The following CCDC92B variants were observed in gnomAD, a reference collection of about 807,000 sequenced individuals.
The protein encoded by CCDC92B is coiled-coil domain-containing 92B.
CCDC92B carries 2 observed loss-of-function variants against 5.6 expected under a neutral mutation model. The observed-to-expected ratio is 0.36, with a 90% CI of 0.15 to 1.12. The LOEUF is 1.12. Among genes scored for constraint, CCDC92B ranks in the 50% most tolerant of loss-of-function variants. The pLI is 0.40. For missense variants in CCDC92B, 271 were observed against 262.2 expected (o/e 1.03, Z -0.23); for synonymous variants, 115 against 122.3 (o/e 0.94, Z 0.39).
chr17:2,743,960 C>G (rs372476999), intron 1 of CCDC92B, among the ~76,000 whole-genome samples: 4 of 152,130 alleles, frequency 2.6e-5, no homozygotes, highest in African/African-American at 7.2e-5. Context: ...TCACCGCAAC[C>G]TCCACCTCCC....
At chr17:2,748,875 C>T (rs1384003723) in intron 1 of CCDC92B, among the ~76,000 whole-genome samples, 1 of 152,176 alleles carries the variant, frequency 6.6e-6, no homozygotes. Context: ...GTGGTCCTCT[C>T]CACTCCGGAG....
chr17:2,743,201 G>A (rs538639173), intron 1 of CCDC92B, among the ~76,000 whole-genome samples: 117 of 152,266 alleles, frequency 7.7e-4, no homozygotes, highest in African/African-American at 2.6e-3. Flanking sequence ...AGGCCGAGGC[G>A]GGAGGATCAC....
At chr17:2,731,095 G>C (rs868770319) in intron 2 of CCDC92B, among the ~76,000 whole-genome samples, 1 of 152,144 alleles carries the variant, frequency 6.6e-6, no homozygotes, top group Non-Finnish European at 1.5e-5. Flanking sequence ...TATTCCCCAC[G>C]GCAGGGAGAA....
chr17:2,726,270 C>T (rs1386593933), intron 3 of CCDC92B, among the ~76,000 whole-genome samples: 4 of 151,434 alleles, frequency 2.6e-5, no homozygotes, highest in South Asian at 4.2e-4. Flanking sequence ...CTCCACCTCC[C>T]GGGTTCAAGC....
In CCDC92B at chr17:2,724,712, G is replaced by A. The variant is rs565368487; in HGVS notation, c.467C>T (p.Pro156Leu). 8.6e-5 allele frequency: 85 copies of A among 983,502 alleles called. 2 individuals are homozygous for A. The South Asian group carries it at 3.2e-3, about 37-fold the overall frequency. The allele number at this position is 983,502 out of a possible 1,614,324, so 60.9% of individuals were successfully genotyped here. A position where few individuals can be genotyped will look rare whatever the true frequency, so the allele number is the denominator to read the frequency against. Residue 156 changes from proline to leucine, a missense_variant, in exon 4 of 4, where the codon CCG becomes CTG. Transcript: ENST00000614400. This position sits in a 1 kb window ranked among gnomAD's most constrained non-coding sequence, Gnocchi z 5.0. The stretch of plus-strand genomic sequence containing the variant: ...GGGCTCGGCGGTGGCGCCGGGGCCC[G>A]GGCGCGGGGCCTGCAGTCTCTGGCG... ...AARQRLQAPR[P>L]GPGATAEPRP... is the part of the protein sequence containing the mutation.
intron 1 of CCDC92B, among the ~76,000 whole-genome samples, chr17:2,743,992 C>T (rs960071094): frequency 3.3e-5 from 5 of 152,042 alleles, no homozygotes; most frequent in South Asian, 4.1e-4. Flanking sequence ...AATCTCCTGC[C>T]GCAGCCTCCC....
At chr17:2,739,525 A>G (rs2070901951) in intron 1 of CCDC92B, among the ~76,000 whole-genome samples, 1 of 142,120 alleles carries the variant, frequency 7.0e-6, no homozygotes, top group African/African-American at 2.7e-5. Context: ...CTAAAAATAC[A>G]AAAAAAATTA....
chr17:2,735,109 C>A lies in CCDC92B; in HGVS notation c.37G>T (p.Val13Leu), dbSNP rs879138102. The A allele has an allele frequency of 1.0e-6, 1 of 985,552 alleles. No individual in the cohort carries two copies. Among genetic ancestry groups the A allele is most frequent in the Non-Finnish European group, 1.2e-6 (1 of 829,996 alleles). 61.1% of individuals were successfully genotyped at this position (985,552 alleles called of 1,614,324 possible). The change falls in exon 2 of 4, where the codon GTG becomes TTG. Residue 13 changes from valine to leucine, a missense_variant. Coordinates refer to ENST00000614400, the MANE Select transcript of CCDC92B (RefSeq NM_001355573.2). The part of the protein sequence containing the change: ...TVSLEHQIQS[V>L]QRHISFLKKE... Reference sequence around the variant, plus strand: ...TTCAGGAAGCTGATGTGGCGTTGCACGCTCTGGATCTGATGCTCCAGGGAC... The same window carrying A: ...TTCAGGAAGCTGATGTGGCGTTGCAAGCTCTGGATCTGATGCTCCAGGGAC...
In CCDC92B at chr17:2,724,613, C is replaced by T; in HGVS notation, c.566G>A (p.Arg189Gln). 4 of 981,790 alleles carry T rather than the reference C, an allele frequency of 4.1e-6. No homozygotes were observed. Among genetic ancestry groups the T allele is most frequent in the Non-Finnish European group, 4.8e-6 (4 of 828,296 alleles). 60.8% of individuals were successfully genotyped at this position (981,790 alleles called of 1,614,324 possible). A position where few individuals can be genotyped will look rare whatever the true frequency, so the allele number is the denominator to read the frequency against. The stretch of plus-strand genomic sequence containing the variant: ...CCCGCGGTCCCAGGCGGCCCAGTCC[C>T]GGCCGGGGCCCTTGGCGGCGGCCTC... ...AHEAAAKGPG[R>Q]DWAAWDRGAG... The change falls in exon 4 of 4, where the codon CGG (arginine) becomes CAG (glutamine). Residue 189 changes from arginine to glutamine, a missense_variant. Transcript: ENST00000614400. The surrounding 1 kb of genome is among the most constrained non-coding windows in gnomAD (Gnocchi z 5.0).
At chr17:2,731,553 C>T (rs1295349970) in intron 2 of CCDC92B, among the ~76,000 whole-genome samples, 1 of 152,170 alleles carries the variant, frequency 6.6e-6, no homozygotes, top group South Asian at 2.1e-4. Flanking sequence ...CCTTCAGGGG[C>T]CTTGTGACCC....
At chr17:2,728,275 G>A (rs2070755622) in intron 3 of CCDC92B, among the ~76,000 whole-genome samples, 1 of 149,188 alleles carries the variant, frequency 6.7e-6, no homozygotes, top group South Asian at 2.1e-4. Context: ...CAGAGATGGT[G>A]CCATGGCACT....
intron 1 of CCDC92B, among the ~76,000 whole-genome samples, chr17:2,739,175 G>A (rs567947215): frequency 6.6e-6 from 1 of 151,276 alleles, no homozygotes; most frequent in East Asian, 2.0e-4. Flanking sequence ...AGACCATCCT[G>A]GCTAACATGG....
At chr17:2,732,030 G>A (rs1355046418) in intron 2 of CCDC92B, among the ~76,000 whole-genome samples, 1 of 152,234 alleles carries the variant, frequency 6.6e-6, no homozygotes, top group East Asian at 1.9e-4. Flanking sequence ...TCTGGAAAAT[G>A]GGGGCACAAT....
At chr17:2,726,609 A>G (rs1431616161) in intron 3 of CCDC92B, among the ~76,000 whole-genome samples, 1 of 149,274 alleles carries the variant, frequency 6.7e-6, no homozygotes, top group East Asian at 2.0e-4. Context: ...GAGCCACTGC[A>G]CCTGGCCTCT....
At chr17:2,744,370 TG>T (rs1332610085) in intron 1 of CCDC92B, among the ~76,000 whole-genome samples, 3 of 151,960 alleles carry the variant, frequency 2.0e-5, no homozygotes, top group Non-Finnish European at 4.4e-5. Flanking sequence ...TTTTTGTTTT[TG>T]TAGAGACCAG....
intron 3 of CCDC92B, among the ~76,000 whole-genome samples, chr17:2,727,221 C>G (rs184617037): frequency 6.6e-6 from 1 of 152,302 alleles, no homozygotes; most frequent in African/African-American, 2.4e-5. Context: ...TATTGTTGGC[C>G]TTTGCCACTG....
rs1407933952 is a variant in CCDC92B, at chr17:2,722,605, G to C, written c.*1806C>G. 6.6e-6 allele frequency: 1 copy of C among 152,298 alleles called. No homozygotes were observed. The highest frequency in any genetic ancestry group is 2.4e-5 in the African/African-American group (1 of 41,442). 9.4% of individuals were successfully genotyped at this position (152,298 alleles called of 1,614,324 possible). ...GCTCCAACAAATGGAGAGAAAGGGG[G>C]TGTGATCTGGGACTCCCCCTTCTTC... On this transcript the variant is annotated 3_prime_UTR_variant, in exon 4 of 4. Coordinates refer to ENST00000614400, the MANE Select transcript of CCDC92B (RefSeq NM_001355573.2).
At chr17:2,741,186 A>C (rs2070922944) in intron 1 of CCDC92B, among the ~76,000 whole-genome samples, 1 of 152,098 alleles carries the variant, frequency 6.6e-6, no homozygotes, top group Non-Finnish European at 1.5e-5. Context: ...GTAGGAAAGA[A>C]GTAAGTGATC....
chr17:2,744,139 G>T (rs1039460688), intron 1 of CCDC92B, among the ~76,000 whole-genome samples: 14 of 152,078 alleles, frequency 9.2e-5, no homozygotes, highest in Non-Finnish European at 2.9e-5. Context: ...GCCTCCCAAA[G>T]TGCTGGGATT....
Sources: gnomAD v4.1 joint callset for allele counts (sites outside exome capture counted in the v4.1 genomes callset) on GRCh38, gnomAD v4.1.1 for gene constraint, Gnocchi (gnomAD v3.1) non-coding constraint, MANE v1.5 for transcripts, NCBI Gene and HGNC (gene_info 2026-07-23, HGNC 2026-07-21) for gene names.